ATAD2B: variants seen among roughly 807,000 people sequenced by gnomAD.
The protein encoded by ATAD2B is ATPase family AAA domain-containing protein 2B.
ATAD2B carries 40 observed loss-of-function variants against 167.6 expected under a neutral mutation model. The observed-to-expected ratio is 0.24, with a 90% CI of 0.19 to 0.31. The LOEUF (loss-of-function observed/expected upper bound fraction) is 0.31, where lower values mean the gene tolerates loss of function less well. Ranked by LOEUF, ATAD2B falls within the 10% of genes least tolerant of loss-of-function variation. ATAD2B has a pLI of 1.00. For synonymous variants in ATAD2B, 579 were observed against 596.5 expected, an observed-to-expected ratio of 0.97 and a Z score of 0.43; for missense variants, 1,242 against 1,757.2, an observed-to-expected ratio of 0.71 and a Z score of 5.24.
chr2:23,772,501 A>C (rs149655272), intron 22 of ATAD2B, among the ~76,000 whole-genome samples: 27 of 152,298 alleles, frequency 1.8e-4, no homozygotes, highest in African/African-American at 6.3e-4. Flanking sequence ...CTAAAAAAAA[A>C]GGTAAGATTA....
rs1281400098 is a variant in ATAD2B at position 23,752,017 on chromosome 2, G to A, written c.*29C>T. On this transcript the variant is annotated 3_prime_UTR_variant, in exon 28 of 28. Coordinates refer to ENST00000238789, the MANE Select transcript of ATAD2B (RefSeq NM_017552.4). ...AGACTGCTCTGTGAGGAGCAGATTGGAGAGGATAAACCACTCATCTTGAAA... is the reference window on the plus strand; with the variant it reads ...AGACTGCTCTGTGAGGAGCAGATTGAAGAGGATAAACCACTCATCTTGAAA... 6.5e-7 allele frequency: 1 copy of A among 1,526,856 alleles called. No individual in the cohort carries two copies. Among genetic ancestry groups the A allele is most frequent in the Non-Finnish European group, 8.9e-7 (1 of 1,121,210 alleles). The allele number at this position is 1,526,856 out of a possible 1,614,324, so 94.6% of individuals were successfully genotyped here.
chr2:23,872,663 C>T, intron 8 of ATAD2B: 1 of 1,348,854 alleles, frequency 7.4e-7, no homozygotes. Flanking sequence ...ATAGGAGAGC[C>T]TCCAGATCTT....
chr2:23,695,116 C>T, the ATAD2B span, among the ~76,000 whole-genome samples: 3 of 152,132 alleles, frequency 2.0e-5, no homozygotes, highest in East Asian at 3.9e-4. This position sits in a 1 kb window ranked among gnomAD's most constrained non-coding sequence, Gnocchi z 7.6. Flanking sequence ...CATGGGACAC[C>T]ACTGAAAGTT....
intron 10 of ATAD2B, among the ~76,000 whole-genome samples, chr2:23,866,747 T>C (rs942947986): frequency 3.3e-5 from 5 of 152,328 alleles, no homozygotes; most frequent in African/African-American, 4.8e-5. Flanking sequence ...TAAAATTTCA[T>C]CTTCAAGTAT....
chr2:23,725,104 T>G, the ATAD2B span, among the ~76,000 whole-genome samples: 3 of 146,218 alleles, frequency 2.1e-5, no homozygotes, highest in East Asian at 6.4e-4. Context: ...AAATCATAAT[T>G]CAAATGACTG....
chr2:23,770,530 A>C (rs1678175050), intron 22 of ATAD2B, among the ~76,000 whole-genome samples: 2 of 152,190 alleles, frequency 1.3e-5, no homozygotes, highest in Non-Finnish European at 2.9e-5. Context: ...ATTGTGAGTC[A>C]ACTTCTGCAT....
At chr2:23,810,909 G>T (rs1161035945) in intron 17 of ATAD2B, among the ~76,000 whole-genome samples, 3 of 152,074 alleles carry the variant, frequency 2.0e-5, no homozygotes, top group Non-Finnish European at 2.9e-5. Flanking sequence ...TACTCAGGAG[G>T]CTGAGGCAGG....
intron 13 of ATAD2B, 74 bp from the exon 14 acceptor site, chr2:23,834,152 CTTTTTTTTT>C (rs11378615): frequency 2.3e-4 from 27 of 119,616 alleles, no homozygotes; most frequent in East Asian, 4.3e-4. Flanking sequence ...ATCAGTCTTT[CTTTTTTTTT>C]TTTTTTTTTT....
At chr2:23,824,412 G>T (rs181698412) in intron 15 of ATAD2B, among the ~76,000 whole-genome samples, 6 of 152,070 alleles carry the variant, frequency 3.9e-5, no homozygotes, top group South Asian at 2.1e-4. Context: ...TTCCAAACAC[G>T]TATAAAATAG....
At position 23,869,688 on chromosome 2, in the gene ATAD2B, T is replaced by C. The variant is rs1558693950; in HGVS notation, c.1051A>G (p.Lys351Glu). Residue 351 changes from lysine to glutamate, a missense_variant, in exon 9 of 28, where the codon AAG (lysine) becomes GAG (glutamate). Physicochemically the swap from Lys to Glu is moderately conservative, Grantham distance 56. This residue lies in a region of ATAD2B where 127 missense variants were observed against 146.3 expected (regional missense o/e 0.87). Transcript: ENST00000238789. ...DEERFERRKSKSMARARNRCL... is the reference protein window; with the variant it reads ...DEERFERRKSESMARARNRCL... ...CTATTTCTTGCTCTTGCCATGCTCT[T>C]TGATTTCCTTCTTTCAAAGCGTTCC... 1.9e-6 allele frequency: 3 copies of C among 1,566,648 alleles called. No homozygotes were observed. The highest frequency in any genetic ancestry group is 2.3e-5 in the South Asian group (2 of 85,370).
intron 2 of ATAD2B, among the ~76,000 whole-genome samples, chr2:23,892,506 C>G (rs2150337537): frequency 6.7e-6 from 1 of 149,344 alleles, no homozygotes. Context: ...GAGTCTCACT[C>G]TGTCATCCAG....
At chr2:23,762,427 C>T in intron 23 of ATAD2B, 81 bp from the exon 24 acceptor site, 1 of 1,422,818 alleles carries the variant, frequency 7.0e-7, no homozygotes. Flanking sequence ...ATCTCAAATA[C>T]AAAACTGAGT....
At chr2:23,859,729 CTT>C (rs1235640474) in intron 12 of ATAD2B, among the ~76,000 whole-genome samples, 1 of 152,028 alleles carries the variant, frequency 6.6e-6, no homozygotes, top group Non-Finnish European at 1.5e-5. Flanking sequence ...AGGCGGATCT[CTT>C]GAGGTCAGAA....
At chr2:23,863,246 C>G (rs1196544593) in intron 12 of ATAD2B, 135 bp downstream of exon 12, 1 of 805,696 alleles carries the variant, frequency 1.2e-6, no homozygotes, top group Non-Finnish European at 1.9e-6. Context: ...GATGTCAAGA[C>G]AGTAGTGAGA....
chr2:23,706,083 T>C, the ATAD2B span, among the ~76,000 whole-genome samples: 1 of 150,366 alleles, frequency 6.7e-6, no homozygotes. Context: ...CTTATTATTC[T>C]CTCTCGTCAT....
intron 18 of ATAD2B, among the ~76,000 whole-genome samples, chr2:23,807,864 A>G (rs1336460294): frequency 3.0e-5 from 4 of 131,752 alleles, no homozygotes; most frequent in African/African-American, 1.1e-4. Context: ...TAAAATATAT[A>G]CATTTTATAT....
the ATAD2B span, chr2:23,707,697 A>T: frequency 2.6e-5 from 4 of 152,248 alleles, no homozygotes; most frequent in African/African-American, 7.2e-5. Flanking sequence ...GGCCAGTGGG[A>T]AGGGAAGGAG....
intron 2 of ATAD2B, among the ~76,000 whole-genome samples, chr2:23,890,295 A>C (rs960170053): frequency 6.6e-6 from 1 of 151,552 alleles, no homozygotes; most frequent in African/African-American, 2.4e-5. Flanking sequence ...GATTGTCAAA[A>C]AAATAACAAC....
chr2:23,900,529 A>G, intron 1 of ATAD2B, among the ~76,000 whole-genome samples: 1 of 152,240 alleles, frequency 6.6e-6, no homozygotes, highest in Non-Finnish European at 1.5e-5. Context: ...TCTATTTGGA[A>G]GCTCATTAGA....
Sources: allele counts gnomAD v4.1 joint callset (sites outside exome capture counted in the v4.1 genomes callset), GRCh38; gene constraint gnomAD v4.1.1; regional missense constraint gnomAD v4.1.1; non-coding constraint Gnocchi (gnomAD v3.1); transcripts MANE v1.5; gene names NCBI Gene and HGNC (gene_info 2026-07-23, HGNC 2026-07-21).